Variants in NRXN3 observed in about 807,000 individuals in gnomAD.
The protein encoded by NRXN3 is neurexin 3.
In NRXN3, 32 loss-of-function variants were observed where a neutral mutation model predicts 137.6. The ratio of observed to expected loss-of-function variants is 0.23; its 90% CI spans 0.18 to 0.31. NRXN3 has a LOEUF of 0.31. NRXN3 is among the 10% of genes least tolerant of loss of function. NRXN3 has a pLI of 1.00. For missense variants in NRXN3, 1,574 were observed against 2,062.5 expected (o/e 0.76, Z 4.59); for synonymous variants, 798 against 784.5 (o/e 1.02, Z -0.29).
At chr14:79,482,117 A>C (rs558242230) in intron 16 of NRXN3, among the ~76,000 whole-genome samples, 1 of 152,330 alleles carries the variant, frequency 6.6e-6, no homozygotes, top group South Asian at 2.1e-4. Flanking sequence ...AGCATAATTC[A>C]GGTGTCTCTC....
At chr14:79,655,293 T>G (rs1030448461) in intron 16 of NRXN3, among the ~76,000 whole-genome samples, 4 of 152,212 alleles carry the variant, frequency 2.6e-5, no homozygotes, top group African/African-American at 9.6e-5. Context: ...CCTGCCACTT[T>G]CTGGCTCTGT....
chr14:78,641,835 T>C (rs2097637044), intron 4 of NRXN3, among the ~76,000 whole-genome samples: 1 of 152,256 alleles, frequency 6.6e-6, no homozygotes, highest in Non-Finnish European at 1.5e-5. Flanking sequence ...AGCATAAATA[T>C]GCATGTGATT....
intron 4 of NRXN3, among the ~76,000 whole-genome samples, chr14:78,485,958 A>G (rs1367174791): frequency 6.6e-6 from 1 of 152,214 alleles, no homozygotes; most frequent in Non-Finnish European, 1.5e-5. Context: ...GACAGCTTAT[A>G]TCTTTTTGTA....
intron 17 of NRXN3, among the ~76,000 whole-genome samples, chr14:79,664,663 G>T (rs573469479): frequency 6.6e-6 from 1 of 152,208 alleles, no homozygotes; most frequent in East Asian, 1.9e-4. Context: ...GGGAGAAAAG[G>T]TTGCCTTCCT....
intron 15 of NRXN3, among the ~76,000 whole-genome samples, chr14:79,315,785 C>G (rs1048209663): frequency 1.3e-5 from 2 of 152,112 alleles, no homozygotes; most frequent in Admixed American, 1.3e-4. Flanking sequence ...GTTAGCCTAG[C>G]CAGAACGAGC....
chr14:79,751,028 G>T (rs2154089667), intron 19 of NRXN3, among the ~76,000 whole-genome samples: 1 of 152,126 alleles, frequency 6.6e-6, no homozygotes, highest in South Asian at 2.1e-4. Flanking sequence ...TTGTTCTTTT[G>T]GCTTAGGATT....
intron 15 of NRXN3, among the ~76,000 whole-genome samples, chr14:79,079,161 G>A (rs2046468425): frequency 6.6e-6 from 1 of 152,102 alleles, no homozygotes; most frequent in Non-Finnish European, 1.5e-5. Context: ...CTTTCTTGTT[G>A]AGGATGCCAT....
chr14:79,449,011 A>T (rs2096119098), intron 15 of NRXN3, among the ~76,000 whole-genome samples: 1 of 152,148 alleles, frequency 6.6e-6, no homozygotes, highest in Non-Finnish European at 1.5e-5. Context: ...TGAGTAGGGT[A>T]AAAGGAGTTG....
intron 16 of NRXN3, among the ~76,000 whole-genome samples, chr14:79,562,295 G>A (rs78068980): frequency 5.9e-5 from 9 of 152,176 alleles, no homozygotes; most frequent in East Asian, 3.9e-4. Flanking sequence ...CCTATTTTTC[G>A]AGTAGGATGC....
rs559565092 is a variant in NRXN3 at position 79,204,351 on chromosome 14, A to G, written c.3262+216210A>G. 1.5e-4 allele frequency among the ~76,000 whole-genome samples: 23 copies of G among 151,710 alleles called. No individual in the cohort carries two copies. The South Asian group carries it at 2.1e-3, about 14-fold the overall frequency. ...TTTCTCCCTCACCCTCCCTCTTCCA[A>G]CAAATGCCTCATATGGTAACAGTTA... On this transcript the variant is annotated intron_variant, in intron 15 of 20. Transcript: ENST00000335750.
chr14:79,039,966 A>G (rs1338970225), intron 15 of NRXN3, among the ~76,000 whole-genome samples: 2 of 152,124 alleles, frequency 1.3e-5, no homozygotes, highest in African/African-American at 2.4e-5. Context: ...AGCCTCCCAA[A>G]GTGCTATGAT....
intron 16 of NRXN3, among the ~76,000 whole-genome samples, chr14:79,474,403 G>A (rs1456388245): frequency 6.6e-6 from 1 of 152,162 alleles, no homozygotes; most frequent in Non-Finnish European, 1.5e-5. Context: ...TTAATTGTTT[G>A]TATAAGTCTG....
chr14:79,515,255 C>A (rs1444993172), intron 16 of NRXN3, among the ~76,000 whole-genome samples: 1 of 150,524 alleles, frequency 6.6e-6, no homozygotes, highest in East Asian at 1.9e-4. Flanking sequence ...TGGACTGCCA[C>A]AGGCAACCCA....
At chr14:79,007,574 G>T (rs981751658) in intron 15 of NRXN3, among the ~76,000 whole-genome samples, 1 of 151,830 alleles carries the variant, frequency 6.6e-6, no homozygotes, top group Non-Finnish European at 1.5e-5. Context: ...GGGAGGCCAA[G>T]GCAGGCAGAT....
chr14:79,058,515 G>C (rs568874644), intron 15 of NRXN3, among the ~76,000 whole-genome samples: 8 of 152,210 alleles, frequency 5.3e-5, no homozygotes, highest in Non-Finnish European at 2.9e-5. Context: ...ATATTAGAAT[G>C]AGAGATTCTT....
chr14:79,135,318 AGT>A (rs2058102665), intron 15 of NRXN3, among the ~76,000 whole-genome samples: 1 of 152,202 alleles, frequency 6.6e-6, no homozygotes, highest in Non-Finnish European at 1.5e-5. Context: ...TCCCTTTCAT[AGT>A]TTCTCTCCCT....
At chr14:79,577,834 A>G (rs979248785) in intron 16 of NRXN3, among the ~76,000 whole-genome samples, 2 of 152,202 alleles carry the variant, frequency 1.3e-5, no homozygotes, top group Non-Finnish European at 2.9e-5. Flanking sequence ...GGATCAGGAT[A>G]GTGCTTCTCT....
intron 15 of NRXN3, among the ~76,000 whole-genome samples, chr14:79,286,595 A>G (rs1291389766): frequency 1.3e-5 from 2 of 149,606 alleles, no homozygotes; most frequent in East Asian, 3.9e-4. Flanking sequence ...CTAAATCCTA[A>G]GCAAAGCATT....
chr14:79,248,234 C>T (rs985381279), intron 15 of NRXN3, among the ~76,000 whole-genome samples: 15 of 152,234 alleles, frequency 9.9e-5, no homozygotes, highest in Middle Eastern at 3.4e-3. Flanking sequence ...TTTTCCAGGC[C>T]CTTCTTCATC....
Sources: gnomAD v4.1 joint callset for allele counts (sites outside exome capture counted in the v4.1 genomes callset) on GRCh38, gnomAD v4.1.1 for gene constraint, MANE v1.5 for transcripts, NCBI Gene and HGNC (gene_info 2026-07-23, HGNC 2026-07-21) for gene names.